CUBN: variants seen among roughly 807,000 people sequenced by gnomAD.
The protein encoded by CUBN is 460 kDa receptor.
In CUBN, 282 loss-of-function variants were observed where a neutral mutation model predicts 405.3. The observed-to-expected ratio is 0.70, with a 90% confidence interval of 0.63 to 0.77. The LOEUF (loss-of-function observed/expected upper bound fraction) is 0.77, where lower values mean the gene tolerates loss of function less well. CUBN is among the 30% of genes least tolerant of loss of function. CUBN has a pLI of 0.00. For missense variants in CUBN, 4,514 were observed against 4,475.2 expected, an observed-to-expected ratio of 1.01 and a Z score of -0.25; for synonymous variants, 1,684 against 1,617.0, an observed-to-expected ratio of 1.04 and a Z score of -0.99.
intron 10 of CUBN, among the ~76,000 whole-genome samples, chr10:17,106,279 C>T (rs564450091): frequency 4.7e-5 from 7 of 150,040 alleles, no homozygotes; most frequent in East Asian, 3.9e-4. Flanking sequence ...AGTGAGACTC[C>T]ATTTCCAAGA....
At chr10:16,907,778 G>A (rs2131439325) in intron 48 of CUBN, 99 bp from the exon 49 acceptor site, 1 of 1,245,176 alleles carries the variant, frequency 8.0e-7, no homozygotes, top group South Asian at 1.2e-5. Flanking sequence ...CCTTTTATGG[G>A]AACCCTGCCC....
chr10:17,087,472 C>CTTATTT (rs1836142053), intron 15 of CUBN, among the ~76,000 whole-genome samples: 1 of 71,712 alleles, frequency 1.4e-5, no homozygotes, highest in African/African-American at 4.7e-5. Flanking sequence ...TTTTCTTTTT[C>CTTATTT]TTTTTTTTTT....
At chr10:17,027,542 TATA>T (rs1411686084) in intron 27 of CUBN, among the ~76,000 whole-genome samples, 1 of 152,220 alleles carries the variant, frequency 6.6e-6, no homozygotes, top group Non-Finnish European at 1.5e-5. Context: ...CCCAATTTCC[TATA>T]ATGACTATAA....
rs140534502 is a variant in CUBN at position 17,013,586 on chromosome 10, T to G, written c.4168+6247A>C. ...TTTGGCACTGAGTGCAATAACTCCA[T>G]GATTTCCTTGTGGTATTTAATAGGG... is the stretch of plus-strand genomic sequence containing the variant. On this transcript the variant is annotated intron_variant, in intron 28 of 66. Transcript: ENST00000377833. 1.0e-3 allele frequency among the ~76,000 whole-genome samples: 154 copies of G among 152,316 alleles called. 1 individual carries two copies. The highest frequency in any genetic ancestry group is 3.4e-3 in the African/African-American group (143 of 41,550).
intron 31 of CUBN, 134 bp from the exon 32 acceptor site, chr10:16,954,682 G>T: frequency 1.0e-6 from 1 of 981,826 alleles, no homozygotes; most frequent in Non-Finnish European, 1.6e-6. Flanking sequence ...TGGCTTTATT[G>T]TCCTTTCTCA....
intron 31 of CUBN, among the ~76,000 whole-genome samples, chr10:16,974,025 C>A (rs1480699982): frequency 6.6e-6 from 1 of 152,144 alleles, no homozygotes; most frequent in African/African-American, 2.4e-5. Context: ...TTCTTCTAGT[C>A]CTCATTAAAT....
Position 16,925,731 on chromosome 10 carries a change from G to A in CUBN, c.6315C>T (p.Ser2105=). 6.2e-7 allele frequency: 1 copy of A among 1,613,992 alleles called. No homozygotes were observed. Among genetic ancestry groups the A allele is most frequent in the Middle Eastern group, 1.7e-4 (1 of 6,058 alleles). The change falls in exon 42 of 67, where the codon TCC becomes TCT. Residue 2105 remains serine (S), a synonymous_variant. Coordinates refer to ENST00000377833, the MANE Select transcript of CUBN (RefSeq NM_001081.4). Reference sequence around the variant, plus strand: ...ATGGGTAAGTCTCTGGATACTTGGGGGACGTGATGATCCCTCTGTCTGCAT... The same window carrying A: ...ATGGGTAAGTCTCTGGATACTTGGGAGACGTGATGATCCCTCTGTCTGCAT... The part of the protein sequence containing the change: ...YLHADRGIIT[S]PKYPETYPSN...
Position 17,129,636 on chromosome 10 carries a change from T to C in CUBN, c.122+8A>G, listed in dbSNP as rs770854230. On this transcript the variant is annotated splice_region_variant and intron_variant, in intron 1 of 66. Coordinates refer to ENST00000377833, the MANE Select transcript of CUBN (RefSeq NM_001081.4). Reference sequence around the variant, plus strand: ...CCCTGAGCAGGAATGACCCATGTGTTTACTTACTGTTGGAGATTGATGCTT... The same window carrying C: ...CCCTGAGCAGGAATGACCCATGTGTCTACTTACTGTTGGAGATTGATGCTT... The C allele has an allele frequency of 1.1e-5, 17 of 1,614,062 alleles. No individual in the cohort carries two copies. Among genetic ancestry groups the C allele is most frequent in the Admixed American group, 3.3e-5 (2 of 60,014 alleles).
intron 14 of CUBN, among the ~76,000 whole-genome samples, chr10:17,091,845 C>G (rs1223884283): frequency 6.6e-6 from 1 of 152,144 alleles, no homozygotes; most frequent in Non-Finnish European, 1.5e-5. Context: ...ACAGCAAAAT[C>G]CAAGATGTGG....
chr10:17,029,962 T>C (rs1426586409), intron 27 of CUBN, among the ~76,000 whole-genome samples: 6 of 152,192 alleles, frequency 3.9e-5, no homozygotes, highest in African/African-American at 1.4e-4. Flanking sequence ...TACCACAAAA[T>C]GCTATAGAGC....
chr10:17,104,342 G>C lies in CUBN; in HGVS notation c.1417+77C>G, dbSNP rs555898349. On this transcript the variant is annotated intron_variant, in intron 12 of 66. Coordinates refer to ENST00000377833, the MANE Select transcript of CUBN (RefSeq NM_001081.4). Reference sequence around the variant, plus strand: ...GGACAAGAAAGTGGGTTCAGCAGAGGAATCTGTTGAGGGACTCACTAAAGG... The same window carrying C: ...GGACAAGAAAGTGGGTTCAGCAGAGCAATCTGTTGAGGGACTCACTAAAGG... The C allele has an allele frequency of 3.2e-3, 4,244 of 1,317,824 alleles. 14 individuals are homozygous for C. Among genetic ancestry groups the C allele is most frequent in the Non-Finnish European group, 3.5e-3 (3,151 of 912,892 alleles). The allele number at this position is 1,317,824 out of a possible 1,614,324, so 81.6% of individuals were successfully genotyped here. A position where few individuals can be genotyped will look rare whatever the true frequency, so the allele number is the denominator to read the frequency against.
At chr10:16,887,332 C>T (rs1203355282) in intron 56 of CUBN, among the ~76,000 whole-genome samples, 2 of 152,172 alleles carry the variant, frequency 1.3e-5, no homozygotes, top group Non-Finnish European at 2.9e-5. Context: ...AAAGTTCTGT[C>T]ACTATTTTTT....
chr10:16,958,956 A>C (rs113978453), intron 31 of CUBN, among the ~76,000 whole-genome samples: 3 of 152,344 alleles, frequency 2.0e-5, no homozygotes, highest in African/African-American at 7.2e-5. Context: ...CTCTGCTTCA[A>C]GGTGGTACCT....
chr10:16,859,816 T>A (rs982020893), intron 59 of CUBN, among the ~76,000 whole-genome samples: 1 of 152,196 alleles, frequency 6.6e-6, no homozygotes, highest in African/African-American at 2.4e-5. Context: ...TTTTACATTA[T>A]TAGTAATTGT....
At position 16,926,045 on chromosome 10, in the gene CUBN, A is replaced by G. The variant is rs113346747; in HGVS notation, c.6272-271T>C. 0.013 allele frequency among the ~76,000 whole-genome samples: 2,011 copies of G among 152,320 alleles called. 23 individuals carry two copies. The highest frequency in any genetic ancestry group is 0.027 in the Middle Eastern group (8 of 294). On this transcript the variant is annotated intron_variant, in intron 41 of 66. Transcript: ENST00000377833. ...CATAAAGATTTCTTTATAGATGGGGAAGACATACAATAAACAAATACATGA... is the reference window on the plus strand; with the variant it reads ...CATAAAGATTTCTTTATAGATGGGGGAGACATACAATAAACAAATACATGA...
chr10:16,851,952 C>T (rs1261627649), intron 59 of CUBN, among the ~76,000 whole-genome samples: 1 of 120,342 alleles, frequency 8.3e-6, no homozygotes, highest in African/African-American at 3.2e-5. Flanking sequence ...CTCCATCTTT[C>T]CCTCCCTCAA....
intron 44 of CUBN, 28 bp downstream of exon 44, chr10:16,919,935 G>GA (rs1380370333): frequency 2.5e-6 from 4 of 1,609,906 alleles, no homozygotes. Flanking sequence ...CTTGGGGTAG[G>GA]AAAAAAATGA....
At chr10:16,850,533 G>A (rs1030388691) in intron 60 of CUBN, among the ~76,000 whole-genome samples, 4 of 152,050 alleles carry the variant, frequency 2.6e-5, no homozygotes, top group African/African-American at 4.8e-5. Flanking sequence ...GTGCAGTGGC[G>A]AGATCTCAGC....
At chr10:17,064,060 A>G (rs1267313560) in intron 22 of CUBN, among the ~76,000 whole-genome samples, 2 of 152,188 alleles carry the variant, frequency 1.3e-5, no homozygotes, top group Non-Finnish European at 2.9e-5. Context: ...GATGTTAACC[A>G]CCTGAATGAA....
Sources: gnomAD v4.1 joint callset for allele counts (sites outside exome capture counted in the v4.1 genomes callset) on GRCh38, gnomAD v4.1.1 for gene constraint, MANE v1.5 for transcripts, NCBI Gene and HGNC (gene_info 2026-07-23, HGNC 2026-07-21) for gene names.